The following PLD3 variants were observed in gnomAD, a reference collection of about 807,000 sequenced individuals.
PLD3 encodes the protein 5'-3' exonuclease PLD3.
Under a neutral mutation model 58.4 loss-of-function variants are expected in PLD3, and 31 were observed. The ratio of observed to expected loss-of-function variants is 0.53; its 90% CI spans 0.40 to 0.72. The LOEUF (loss-of-function observed/expected upper bound fraction) is 0.72. Ranked by LOEUF, PLD3 falls within the 30% of genes least tolerant of loss-of-function variation. PLD3 has a pLI of 0.00. For synonymous variants in PLD3, 264 were observed against 273.4 expected, an observed-to-expected ratio of 0.97 and a Z score of 0.34; for missense variants, 595 against 659.8, an observed-to-expected ratio of 0.90 and a Z score of 1.08.
intron 9 of PLD3, 105 bp downstream of exon 9, chr19:40,371,978 A>G: frequency 3.4e-6 from 3 of 891,342 alleles, no homozygotes; most frequent in Non-Finnish European, 5.4e-6. Flanking sequence ...TATCCTGACC[A>G]TCAGTTCTCA....
intron 1 of PLD3, among the ~76,000 whole-genome samples, chr19:40,364,016 A>G (rs2078852474): frequency 6.6e-6 from 1 of 152,170 alleles, no homozygotes; most frequent in Admixed American, 6.5e-5. Flanking sequence ...CTACACCGAG[A>G]TATTTTCTAT....
At position 40,371,753 on chromosome 19, in the gene PLD3, C is replaced by T; in HGVS notation, c.759C>T (p.Phe253=). 1 of 1,613,978 alleles carries T rather than the reference C, an allele frequency of 6.2e-7. No homozygotes were observed. Among genetic ancestry groups the T allele is most frequent in the Non-Finnish European group, 8.5e-7 (1 of 1,179,926 alleles). The change falls in exon 9 of 13, where the codon TTC becomes TTT. Residue 253 remains phenylalanine, a synonymous_variant. Transcript: ENST00000409735. ...CCAAGATCTTTGAGGCCTACTGGTT[C>T]CTGGGCCAGGCAGGCAGCTCCATCC... is the stretch of plus-strand genomic sequence containing the variant. ...DLTKIFEAYW[F]LGQAGSSIPS...
chr19:40,375,364 C>G (rs2079168221), intron 10 of PLD3, among the ~76,000 whole-genome samples: 1 of 149,990 alleles, frequency 6.7e-6, no homozygotes, highest in Non-Finnish European at 1.5e-5. Context: ...AGAAGGATAA[C>G]AACCGGCCGG....
At chr19:40,374,669 G>C in intron 10 of PLD3, 49 bp downstream of exon 10, 1 of 1,607,538 alleles carries the variant, frequency 6.2e-7, no homozygotes, top group Non-Finnish European at 8.5e-7. Context: ...GCCAGGAGAC[G>C]GGAGAGGGAA....
chr19:40,360,698 C>G (rs1380639310), intron 1 of PLD3: 1 of 151,948 alleles, frequency 6.6e-6, no homozygotes. Context: ...AGATTCCATT[C>G]CTCACCTCTC....
chr19:40,366,867 A>T lies in PLD3; in HGVS notation c.197A>T (p.His66Leu). ...QLFLWEYGDL[H>L]LFGPNQRPAP... Reference sequence around the variant, plus strand: ...TTTCTATGGGAATACGGCGACTTGCATCTCTTTGGGCCCAACCAGCGCCCA... The same window carrying T: ...TTTCTATGGGAATACGGCGACTTGCTTCTCTTTGGGCCCAACCAGCGCCCA... The change falls in exon 5 of 13, where the codon CAT (histidine) becomes CTT (leucine). Residue 66 changes from histidine (H) to leucine (L), a missense_variant. Physicochemically the swap from His to Leu is moderately conservative, Grantham distance 99 (BLOSUM62 -3). Coordinates refer to ENST00000409735, the MANE Select transcript of PLD3 (RefSeq NM_012268.4). The T allele has an allele frequency of 6.2e-7, 1 of 1,613,908 alleles. No individual in the cohort carries two copies. Among genetic ancestry groups the T allele is most frequent in the Non-Finnish European group, 8.5e-7 (1 of 1,179,946 alleles).
intron 1 of PLD3, among the ~76,000 whole-genome samples, chr19:40,354,785 C>T (rs2078611522): frequency 6.6e-6 from 1 of 151,548 alleles, no homozygotes; most frequent in South Asian, 2.1e-4. Context: ...CTCAGCCTCC[C>T]AAAGTGCTGG....
chr19:40,370,635 T>C (rs886663069), intron 8 of PLD3: 15 of 162,306 alleles, frequency 9.2e-5, no homozygotes, highest in Non-Finnish European at 1.6e-4. Flanking sequence ...TTCATGCCAC[T>C]GCACTCCAGC....
At chr19:40,376,537 A>G in intron 10 of PLD3, 72 bp from the exon 11 acceptor site, 1 of 1,494,084 alleles carries the variant, frequency 6.7e-7, no homozygotes, top group Non-Finnish European at 9.1e-7. Context: ...TGGTTCCCCA[A>G]AGCTGAGGGC....
intron 1 of PLD3, among the ~76,000 whole-genome samples, chr19:40,349,270 C>G (rs192957948): frequency 9.2e-5 from 14 of 152,260 alleles, no homozygotes; most frequent in Admixed American, 5.2e-4. Context: ...GCAACTCTTA[C>G]GTCATCATTA....
chr19:40,368,618 T>C (rs1053540109), intron 6 of PLD3, among the ~76,000 whole-genome samples: 1 of 151,962 alleles, frequency 6.6e-6, no homozygotes, highest in Non-Finnish European at 1.5e-5. Context: ...AAAAAATAAT[T>C]ATGGCCAAGT....
At chr19:40,364,870 A>G (rs1318811063) in intron 1 of PLD3, among the ~76,000 whole-genome samples, 1 of 151,676 alleles carries the variant, frequency 6.6e-6, no homozygotes, top group African/African-American at 2.4e-5. Context: ...AGGCTGAGGC[A>G]GGAGGATTGC....
At chr19:40,375,673 A>AG (rs1316421866) in intron 10 of PLD3, among the ~76,000 whole-genome samples, 2 of 151,158 alleles carry the variant, frequency 1.3e-5, no homozygotes, top group African/African-American at 4.9e-5. Context: ...AGAAAAGAAA[A>AG]AAAAAAAGAA....
In PLD3 at chr19:40,378,032, C is replaced by G. The variant is rs754600010; in HGVS notation, c.1332C>G (p.Thr444=). 2.5e-6 allele frequency: 4 copies of G among 1,613,732 alleles called. No homozygotes were observed. In the East Asian group the frequency reaches 8.9e-5, roughly 36 times the overall value. Reference sequence around the variant, plus strand: ...ACTACTTCACGGAGACGGCGGGCACCTCGCTGCTGGTGACGCAGAATGGGA... The same window carrying G: ...ACTACTTCACGGAGACGGCGGGCACGTCGCTGCTGGTGACGCAGAATGGGA... ...SGNYFTETAG[T]SLLVTQNGRG... is the part of the protein sequence containing the mutation. Residue 444 remains threonine, a synonymous_variant, in exon 13 of 13, where the codon ACC becomes ACG. Transcript: ENST00000409735.
chr19:40,367,982 G>A, intron 6 of PLD3, 103 bp downstream of exon 6: 1 of 996,424 alleles, frequency 1.0e-6, no homozygotes, highest in South Asian at 1.6e-5. Flanking sequence ...GGAGACAGAG[G>A]GGTGTGTCTC....
In PLD3 at chr19:40,349,832, C is replaced by T. The variant is rs539330981; in HGVS notation, c.-279+1064C>T. 5.3e-5 allele frequency among the ~76,000 whole-genome samples: 8 copies of T among 151,220 alleles called. No homozygotes were observed. In the East Asian group the frequency reaches 1.6e-3, roughly 29 times the overall value. On this transcript the variant is annotated intron_variant, in intron 1 of 12. Coordinates refer to ENST00000409735, the MANE Select transcript of PLD3 (RefSeq NM_012268.4). ...AATTAGCCGGGCGTGGTGGTGCATGCCTATAATCCCAGCTACTCGGGAGGC... is the reference window on the plus strand; with the variant it reads ...AATTAGCCGGGCGTGGTGGTGCATGTCTATAATCCCAGCTACTCGGGAGGC...
chr19:40,367,283 AACTC>A, intron 5 of PLD3: 2 of 256,686 alleles, frequency 7.8e-6, no homozygotes, highest in Non-Finnish European at 1.5e-5. Flanking sequence ...AGAAAAGAAA[AACTC>A]AAATACAGTT....
At chr19:40,364,574 G>A (rs1422776643) in intron 1 of PLD3, among the ~76,000 whole-genome samples, 1 of 151,798 alleles carries the variant, frequency 6.6e-6, no homozygotes, top group Non-Finnish European at 1.5e-5. Context: ...GGCGGATCAC[G>A]AGGTCAGGAG....
chr19:40,365,592 A>C (rs2078897287), intron 1 of PLD3, 126 bp from the exon 2 acceptor site: 1 of 152,274 alleles, frequency 6.6e-6, no homozygotes, highest in African/African-American at 2.4e-5. Flanking sequence ...CAAGGTTTGT[A>C]AATGAGAAAA....
Sources: gnomAD v4.1 joint callset for allele counts (sites outside exome capture counted in the v4.1 genomes callset) on GRCh38, gnomAD v4.1.1 for gene constraint, MANE v1.5 for transcripts, NCBI Gene and HGNC (gene_info 2026-07-23, HGNC 2026-07-21) for gene names.